Variants in ZNF503 observed in about 807,000 individuals in gnomAD.
The protein encoded by ZNF503 is NocA-like zinc finger 2.
A neutral mutation model predicts 34.4 loss-of-function variants in ZNF503; 15 were observed. The observed-to-expected ratio is 0.44, with a 90% confidence interval of 0.29 to 0.67. The LOEUF is 0.67. ZNF503 is among the 30% of genes least tolerant of loss of function. ZNF503 has a pLI of 0.13. For missense variants in ZNF503, 1,007 were observed against 926.8 expected (o/e 1.09, Z -1.12); for synonymous variants, 580 against 456.8 (o/e 1.27, Z -3.44).
Position 75,401,431 on chromosome 10 carries a change from G to T in ZNF503, c.-12C>A. The T allele has an allele frequency of 6.5e-7, 1 of 1,532,332 alleles. No individual in the cohort carries two copies. The highest frequency in any genetic ancestry group is 8.7e-7 in the Non-Finnish European group (1 of 1,144,542). The allele number at this position is 1,532,332 out of a possible 1,614,324, so 94.9% of individuals were successfully genotyped here. On this transcript the variant is annotated 5_prime_UTR_variant, in exon 1 of 2. Transcript: ENST00000372524. ...GGCGCTGTGCTCATGACCCACCCGCGCGCATGGGAGCAGCGGGGGGGAGGG... is the reference window on the plus strand; with the variant it reads ...GGCGCTGTGCTCATGACCCACCCGCTCGCATGGGAGCAGCGGGGGGGAGGG...
chr10:75,381,333 C>T, the ZNF503 span, among the ~76,000 whole-genome samples: 3 of 152,192 alleles, frequency 2.0e-5, no homozygotes, highest in Non-Finnish European at 4.4e-5. Context: ...AAGCAATCCT[C>T]GTACTCAACT....
At position 75,399,612 on chromosome 10, in the gene ZNF503, G is replaced by C. The variant is rs1589133428; in HGVS notation, c.1078C>G (p.Pro360Ala). ...GCGTAGGCCCCGGCCAGGCTGCCTGGGTAGGTCATACCCGCGGGAGGCAGA... is the reference window on the plus strand; with the variant it reads ...GCGTAGGCCCCGGCCAGGCTGCCTGCGTAGGTCATACCCGCGGGAGGCAGA... ...FPLPPAGMTY[P>A]GSLAGAYAGY... Residue 360 changes from proline (P) to alanine (A), a missense_variant, in exon 2 of 2, where the codon CCA becomes GCA. By Grantham distance (27) the Pro-to-Ala change is conservative. Transcript: ENST00000372524. The C allele has an allele frequency of 2.5e-6, 4 of 1,598,202 alleles. No homozygotes were observed. The East Asian group carries it at 6.7e-5, about 27-fold the overall frequency.
At chr10:75,359,787 A>C in the ZNF503 span, among the ~76,000 whole-genome samples, 2 of 152,052 alleles carry the variant, frequency 1.3e-5, no homozygotes, top group Non-Finnish European at 2.9e-5. Context: ...GGGAAGGAGG[A>C]GCTCTCTTTT....
chr10:75,381,805 CTTTTTTTTTTTTTTTTT>C, the ZNF503 span, among the ~76,000 whole-genome samples: 24 of 38,654 alleles, frequency 6.2e-4, no homozygotes, highest in African/African-American at 2.3e-3. Context: ...GAACCTAATT[CTTTTTTTTTTTTTTTTT>C]TTTTTTTTTT....
chr10:75,375,214 G>A, the ZNF503 span, among the ~76,000 whole-genome samples: 9 of 152,200 alleles, frequency 5.9e-5, no homozygotes, highest in East Asian at 1.9e-4. Flanking sequence ...CCTGCCTCCC[G>A]AGTTCAAGCG....
chr10:75,283,966 A>G, the ZNF503 span: 1 of 152,204 alleles, frequency 6.6e-6, no homozygotes, highest in Non-Finnish European at 1.5e-5. Context: ...TTGCACGGCA[A>G]TTAGCTCTGT....
the ZNF503 span, among the ~76,000 whole-genome samples, chr10:75,331,717 G>C: frequency 6.6e-6 from 1 of 152,178 alleles, no homozygotes; most frequent in Non-Finnish European, 1.5e-5. Flanking sequence ...GGCTGGTCTT[G>C]AACACCTGGC....
At chr10:75,346,641 C>T in the ZNF503 span, among the ~76,000 whole-genome samples, 2 of 151,730 alleles carry the variant, frequency 1.3e-5, no homozygotes, top group African/African-American at 4.8e-5. Context: ...GGGGTTTTGA[C>T]CTGTTGCCCA....
chr10:75,334,308 C>T, the ZNF503 span, among the ~76,000 whole-genome samples: 9 of 152,176 alleles, frequency 5.9e-5, no homozygotes, highest in Non-Finnish European at 1.5e-5. Context: ...TGTTGAAATT[C>T]TCCACTTGGA....
chr10:75,369,486 G>T, the ZNF503 span, among the ~76,000 whole-genome samples: 1 of 152,090 alleles, frequency 6.6e-6, no homozygotes, highest in Non-Finnish European at 1.5e-5. Context: ...TCTCCTTCCT[G>T]CCATTATGTG....
chr10:75,354,086 T>C, the ZNF503 span, among the ~76,000 whole-genome samples: 1 of 152,316 alleles, frequency 6.6e-6, no homozygotes, highest in South Asian at 2.1e-4. Flanking sequence ...CCTTGAACTT[T>C]CTGGGTGAAC....
the ZNF503 span, among the ~76,000 whole-genome samples, chr10:75,391,693 C>T: frequency 1.3e-5 from 2 of 152,132 alleles, no homozygotes; most frequent in African/African-American, 4.8e-5. Context: ...TAATTTTATC[C>T]AAGAGTTCCC....
chr10:75,393,544 C>T (rs974114438), downstream of ZNF503, among the ~76,000 whole-genome samples: 5 of 152,200 alleles, frequency 3.3e-5, no homozygotes, highest in Admixed American at 2.0e-4. Flanking sequence ...ATTCATTCTA[C>T]TGCTCTGTTT....
At position 75,398,807 on chromosome 10, in the gene ZNF503, G is replaced by T; in HGVS notation, c.1883C>A (p.Ser628Tyr). Reference sequence around the variant, plus strand: ...TCTCTGTCCGTAGAGGGCGTAGGGGGAGTAGTACGGTCCGGTGGCGGCGGG... The same window carrying T: ...TCTCTGTCCGTAGAGGGCGTAGGGGTAGTAGTACGGTCCGGTGGCGGCGGG... ...PVPAATGPYY[S>Y]PYALYGQRLT... Residue 628 changes from serine (S) to tyrosine (Y), a missense_variant, in exon 2 of 2, where the codon TCC becomes TAC. By Grantham distance (144) the Ser-to-Tyr change is moderately radical (BLOSUM62 -2). Transcript: ENST00000372524. The T allele has an allele frequency of 2.0e-6, 3 of 1,491,344 alleles. No homozygotes were observed. Among genetic ancestry groups the T allele is most frequent in the Non-Finnish European group, 1.8e-6 (2 of 1,126,742 alleles). The allele number at this position is 1,491,344 out of a possible 1,614,324, so 92.4% of individuals were successfully genotyped here.
chr10:75,309,087 G>A, the ZNF503 span, among the ~76,000 whole-genome samples: 26 of 152,166 alleles, frequency 1.7e-4, no homozygotes, highest in African/African-American at 5.5e-4. Flanking sequence ...CAAGTGATCC[G>A]CCTGCCTCAG....
the ZNF503 span, among the ~76,000 whole-genome samples, chr10:75,326,966 G>A: frequency 6.6e-6 from 1 of 152,140 alleles, no homozygotes; most frequent in African/African-American, 2.4e-5. Context: ...TTACAGGCAT[G>A]AGCCACCACA....
the ZNF503 span, among the ~76,000 whole-genome samples, chr10:75,379,006 C>T: frequency 9.9e-5 from 15 of 152,242 alleles, no homozygotes; most frequent in East Asian, 3.9e-4. Flanking sequence ...ACCCCAGTCC[C>T]GATCTTAATT....
the ZNF503 span, among the ~76,000 whole-genome samples, chr10:75,306,763 C>T: frequency 6.6e-6 from 1 of 152,132 alleles, no homozygotes; most frequent in Non-Finnish European, 1.5e-5. Context: ...CAAACTTCTT[C>T]ATTCTTATTG....
Position 75,398,722 on chromosome 10 carries a change from C to T in ZNF503, c.*27G>A, listed in dbSNP as rs974754880. ...CTCCTCCCCTCCCCCTCTCCCTCCT[C>T]TCCCTCGCTCGCCCTCCCGGCCGCC... is the stretch of plus-strand genomic sequence containing the variant. On this transcript the variant is annotated 3_prime_UTR_variant, in exon 2 of 2. Coordinates refer to ENST00000372524, the MANE Select transcript of ZNF503 (RefSeq NM_032772.6). 2 of 1,359,928 alleles carry T rather than the reference C, an allele frequency of 1.5e-6. No individual in the cohort carries two copies. Among genetic ancestry groups the T allele is most frequent in the Non-Finnish European group, 9.4e-7 (1 of 1,061,434 alleles). The allele number at this position is 1,359,928 out of a possible 1,614,324, so 84.2% of individuals were successfully genotyped here.
Sources: allele counts gnomAD v4.1 joint callset (sites outside exome capture counted in the v4.1 genomes callset), GRCh38; gene constraint gnomAD v4.1.1; transcripts MANE v1.5; gene names NCBI Gene and HGNC (gene_info 2026-07-23, HGNC 2026-07-21).